ZNF384: variants seen among roughly 807,000 people sequenced by gnomAD.
ZNF384 encodes CAG repeat protein 1.
A neutral mutation model predicts 65.0 loss-of-function variants in ZNF384; 20 were observed. The ratio of observed to expected loss-of-function variants is 0.31; its 90% CI spans 0.22 to 0.45. The LOEUF is 0.45. Among genes scored for constraint, ZNF384 ranks in the 20% least tolerant of loss-of-function variants. ZNF384 has a pLI of 1.00. For synonymous variants in ZNF384, 310 were observed against 303.9 expected (o/e 1.02, Z -0.21); for missense variants, 549 against 769.4 (o/e 0.71, Z 3.39).
rs781167419 is a variant in ZNF384, at chr12:6,667,983, G to C, written c.1558C>G (p.Gln520Glu). The change falls in exon 12 of 12, where the codon CAA becomes GAA. Residue 520 changes from glutamine to glutamate, a missense_variant. Gln to Glu is a conservative substitution (Grantham distance 29). Transcript: ENST00000683879. ...GAGGCCTGGGCCTGGGCCTGGGCTT[G>C]AGCCTGAGCCTGAGCCTGGGCTTGA... is the stretch of plus-strand genomic sequence containing the variant. ...QAQAQAQAQA[Q>E]AQAQAQASQA... 4 of 1,612,440 alleles carry C rather than the reference G, an allele frequency of 2.5e-6. No homozygotes were observed. The highest frequency in any genetic ancestry group is 3.4e-6 in the Non-Finnish European group (4 of 1,179,254).
In ZNF384 at chr12:6,668,079, G is replaced by C; in HGVS notation, c.1462C>G (p.Pro488Ala). The C allele has an allele frequency of 6.2e-7, 1 of 1,608,770 alleles. No homozygotes were observed. The highest frequency in any genetic ancestry group is 1.1e-5 in the South Asian group (1 of 90,728). ...YLMKHMRKHN[P>A]PDLQQQVQAA... ...TGCACCTGTTGCTGAAGATCAGGCG[G>C]GTTGTGTTTGCGCATATGTTTCATA... is the stretch of plus-strand genomic sequence containing the variant. Residue 488 changes from proline to alanine, a missense_variant, in exon 12 of 12, where the codon CCG (proline) becomes GCG (alanine). This residue lies in a region of ZNF384 where 136 missense variants were observed against 183.0 expected (regional missense o/e 0.74). Coordinates refer to ENST00000683879, the MANE Select transcript of ZNF384 (RefSeq NM_001385745.1).
rs1340761911 is a variant in ZNF384 at position 6,672,094 on chromosome 12, G to T, written c.1187+256C>A. Reference sequence around the variant, plus strand: ...GAAAAGTTGTTTCTACTCCAGGTACGTGTCTGTCTCCCATGGATCAGTGAA... The same window carrying T: ...GAAAAGTTGTTTCTACTCCAGGTACTTGTCTGTCTCCCATGGATCAGTGAA... On this transcript the variant is annotated intron_variant, in intron 9 of 11. Transcript: ENST00000683879. The surrounding 1 kb of genome is among the most constrained non-coding windows in gnomAD (Gnocchi z 4.4). 2 of 426,490 alleles carry T rather than the reference G, an allele frequency of 4.7e-6. No individual in the cohort carries two copies. The highest frequency in any genetic ancestry group is 8.5e-6 in the Non-Finnish European group (2 of 235,454). The allele number at this position is 426,490 out of a possible 1,614,324, so 26.4% of individuals were successfully genotyped here. A position where few individuals can be genotyped will look rare whatever the true frequency, so the allele number is the denominator to read the frequency against.
At chr12:6,688,251 A>AG (rs1958656507) in intron 1 of ZNF384, 25 bp from the exon 2 acceptor site, 1 of 152,654 alleles carries the variant, frequency 6.6e-6, no homozygotes, top group Non-Finnish European at 1.5e-5. Context: ...TCTAGGTTAC[A>AG]GGGGCCAGGC....
chr12:6,668,901 A>C, intron 11 of ZNF384, 130 bp downstream of exon 11: 1 of 928,768 alleles, frequency 1.1e-6, no homozygotes, highest in South Asian at 2.2e-5. Context: ...CTGAATATTT[A>C]CCTGTTCTGC....
In ZNF384 at chr12:6,668,713, GA is replaced by G. The variant is rs1201085098; in HGVS notation, c.1425+317del. Among the ~76,000 whole-genome samples, 490 of 73,336 alleles carry G rather than the reference GA, an allele frequency of 6.7e-3. 2 individuals are homozygous for G. Among genetic ancestry groups the G allele is most frequent in the African/African-American group, 0.014 (294 of 20,566 alleles). 48.1% of individuals were successfully genotyped at this position (73,336 alleles called of 152,430 possible). On this transcript the variant is annotated intron_variant, in intron 11 of 11. Coordinates refer to ENST00000683879, the MANE Select transcript of ZNF384 (RefSeq NM_001385745.1). Reference sequence around the variant, plus strand: ...ACAGGGCGAGACTGTGTCTCAAAAAGAAAAAAAAAAAAAAAAGAAGAAGAAA... The same window carrying G: ...ACAGGGCGAGACTGTGTCTCAAAAAGAAAAAAAAAAAAAAAGAAGAAGAAA...
chr12:6,679,354 G>T (rs1018154585), intron 3 of ZNF384, 101 bp downstream of exon 3: 6 of 1,295,006 alleles, frequency 4.6e-6, no homozygotes, highest in Non-Finnish European at 6.6e-6. Context: ...ATTCTCAGGG[G>T]TGGGGGACCC....
At chr12:6,676,322 G>A (rs982913518) in intron 7 of ZNF384, among the ~76,000 whole-genome samples, 1 of 152,260 alleles carries the variant, frequency 6.6e-6, no homozygotes, top group Admixed American at 6.5e-5. Context: ...AATTTCTTTG[G>A]AATGTCAAGA....
chr12:6,667,291 G>A lies in ZNF384; in HGVS notation c.*423C>T. On this transcript the variant is annotated 3_prime_UTR_variant, in exon 12 of 12. Transcript: ENST00000683879. ...GCAAGAATAGAACAAGAGGCTGGTT[G>A]CATTTGGGGCTCCCTTTTCTCTGTT... 2.7e-6 allele frequency: 1 copy of A among 365,920 alleles called. No individual in the cohort carries two copies. Among genetic ancestry groups the A allele is most frequent in the South Asian group, 3.6e-5 (1 of 27,838 alleles). 22.7% of individuals were successfully genotyped at this position (365,920 alleles called of 1,614,324 possible).
At position 6,668,141 on chromosome 12, in the gene ZNF384, G is replaced by C. The variant is rs745503251; in HGVS notation, c.1426-26C>G. ...CTGAGGGAGATGGTAAAAAGAAGTT[G>C]AGGGATAAAGAGGAAGGAAAAGAGA... On this transcript the variant is annotated intron_variant, in intron 11 of 11. Coordinates refer to ENST00000683879, the MANE Select transcript of ZNF384 (RefSeq NM_001385745.1). The C allele has an allele frequency of 1.9e-5, 30 of 1,539,908 alleles. No individual in the cohort carries two copies. In the South Asian group the frequency reaches 3.6e-4, roughly 19 times the overall value.
In ZNF384 at chr12:6,682,319, CCAAAACAAAACAAAACAAAA is replaced by C. The variant is rs55997836; in HGVS notation, c.-5-2814_-5-2795del. Reference sequence around the variant, plus strand: ...TGGGTAACAGAGCAAGACCCCAACTCCAAAACAAAACAAAACAAAACAAAACAAAACAAAACAAAACAAAA... The same window carrying C: ...TGGGTAACAGAGCAAGACCCCAACTCCAAAACAAAACAAAACAAAACAAAA... On this transcript the variant is annotated intron_variant, in intron 2 of 11. Coordinates refer to ENST00000683879, the MANE Select transcript of ZNF384 (RefSeq NM_001385745.1). Among the ~76,000 whole-genome samples, 302 of 140,674 alleles carry C rather than the reference CCAAAACAAAACAAAACAAAA, an allele frequency of 2.1e-3. 1 individual carries two copies. Among genetic ancestry groups the C allele is most frequent in the Middle Eastern group, 6.9e-3 (2 of 288 alleles). 92.3% of individuals were successfully genotyped at this position (140,674 alleles called of 152,430 possible). A position where few individuals can be genotyped will look rare whatever the true frequency, so the allele number is the denominator to read the frequency against.
chr12:6,677,915 AAAAGG>A (rs1210049800), intron 6 of ZNF384, among the ~76,000 whole-genome samples: 6 of 152,232 alleles, frequency 3.9e-5, no homozygotes, highest in African/African-American at 1.4e-4. Flanking sequence ...AAGGGTTAAA[AAAAGG>A]AAAGGGTGAA....
At position 6,666,679 on chromosome 12, in the gene ZNF384, G is replaced by T. The variant is rs1448481038; in HGVS notation, c.*1035C>A. 1.2e-5 allele frequency: 2 copies of T among 167,486 alleles called. No homozygotes were observed. Among genetic ancestry groups the T allele is most frequent in the Non-Finnish European group, 2.6e-5 (2 of 78,326 alleles). 10.4% of individuals were successfully genotyped at this position (167,486 alleles called of 1,614,324 possible). A position where few individuals can be genotyped will look rare whatever the true frequency, so the allele number is the denominator to read the frequency against. ...AAAAAGAAAAATGCTGTGGCTAGAG[G>T]ACAGGGGTGGAGAGAGGGAAAAAAA... On this transcript the variant is annotated 3_prime_UTR_variant, in exon 12 of 12. Coordinates refer to ENST00000683879, the MANE Select transcript of ZNF384 (RefSeq NM_001385745.1).
chr12:6,668,955 CTACCCAGAAAA>C, intron 11 of ZNF384, 65 bp downstream of exon 11: 1 of 1,479,476 alleles, frequency 6.8e-7, no homozygotes, highest in Non-Finnish European at 9.1e-7. Flanking sequence ...CAACAGATCT[CTACCCAGAAAA>C]TGGGGTGAAG....
In ZNF384 at chr12:6,669,091, C is replaced by T. The variant is rs758029226; in HGVS notation, c.1365G>A (p.Thr455=). The part of the protein sequence containing the change: ...DAASLEVHLS[T]HTVKHAKVYT... Reference sequence around the variant, plus strand: ...ACACCTTGGCATGCTTCACTGTGTGCGTAGACAGGTGCACCTCTAGTGAGG... The same window carrying T: ...ACACCTTGGCATGCTTCACTGTGTGTGTAGACAGGTGCACCTCTAGTGAGG... The change falls in exon 11 of 12, where the codon ACG becomes ACA. Residue 455 remains threonine (T), a synonymous_variant. Transcript: ENST00000683879. 8 of 1,613,952 alleles carry T rather than the reference C, an allele frequency of 5.0e-6. No homozygotes were observed. The highest frequency in any genetic ancestry group is 4.4e-5 in the South Asian group (4 of 91,034).
intron 2 of ZNF384, among the ~76,000 whole-genome samples, chr12:6,681,735 A>G (rs1430578263): frequency 1.3e-5 from 2 of 152,226 alleles, no homozygotes; most frequent in Admixed American, 6.5e-5. Flanking sequence ...TATAGAAAAC[A>G]TCACTTTTTT....
chr12:6,678,979 C>G lies in ZNF384; in HGVS notation c.271G>C (p.Val91Leu). 6.2e-7 allele frequency: 1 copy of G among 1,614,050 alleles called. No individual in the cohort carries two copies. ...ATCAGTCCTGTAGACGGCACAGGGA[C>G]CACCGTGATATTCTGGGTAACGGAC... is the stretch of plus-strand genomic sequence containing the variant. ...QASVTQNITV[V>L]PVPSTGLMTA... The change falls in exon 4 of 12, where the codon GTC becomes CTC. Residue 91 changes from valine (V) to leucine (L), a missense_variant. By Grantham distance (32) the Val-to-Leu change is conservative. This residue lies in a region of ZNF384 where 277 missense variants were observed against 337.2 expected (regional missense o/e 0.82). Coordinates refer to ENST00000683879, the MANE Select transcript of ZNF384 (RefSeq NM_001385745.1). This position sits in a 1 kb window ranked among gnomAD's most constrained non-coding sequence, Gnocchi z 4.9.
chr12:6,681,965 T>C (rs1956127227), intron 2 of ZNF384, among the ~76,000 whole-genome samples: 1 of 152,006 alleles, frequency 6.6e-6, no homozygotes, highest in African/African-American at 2.4e-5. Context: ...CTGATACAGG[T>C]ACTAACTTGG....
chr12:6,671,733 C>T (rs1183940054), intron 9 of ZNF384: 1 of 152,478 alleles, frequency 6.6e-6, no homozygotes, highest in Non-Finnish European at 1.5e-5. Context: ...TTCTAGTTGG[C>T]AGGTTCCCTT....
intron 10 of ZNF384, among the ~76,000 whole-genome samples, chr12:6,669,509 T>C (rs1950673707): frequency 6.6e-6 from 1 of 151,702 alleles, no homozygotes; most frequent in African/African-American, 2.4e-5. Context: ...TTTTTTTTTT[T>C]TTTTCCCAGA....
Sources: allele counts gnomAD v4.1 joint callset (sites outside exome capture counted in the v4.1 genomes callset), GRCh38; gene constraint gnomAD v4.1.1; regional missense constraint gnomAD v4.1.1; non-coding constraint Gnocchi (gnomAD v3.1); transcripts MANE v1.5; gene names NCBI Gene and HGNC (gene_info 2026-07-23, HGNC 2026-07-21).